PPP1R36: variants seen among roughly 807,000 people sequenced by gnomAD.
The protein encoded by PPP1R36 is chromosome 14 open reading frame 50.
PPP1R36 carries 47 observed loss-of-function variants against 53.4 expected under a neutral mutation model. The observed-to-expected ratio is 0.88, with a 90% CI of 0.70 to 1.12. The LOEUF is 1.12. PPP1R36 is among the 50% of genes most tolerant of loss of function. PPP1R36 has a pLI of 0.00. For missense variants in PPP1R36, 456 were observed against 513.9 expected (o/e 0.89, Z 1.09); for synonymous variants, 153 against 170.5 (o/e 0.90, Z 0.80).
chr14:64,589,091 C>T, intron 11 of PPP1R36, 61 bp from the exon 12 acceptor site: 1 of 1,280,170 alleles, frequency 7.8e-7, no homozygotes, highest in Non-Finnish European at 1.1e-6. Context: ...ATCACAGTCT[C>T]AACCCTGCAC....
At chr14:64,586,997 G>C in intron 9 of PPP1R36, 118 bp downstream of exon 9, 1 of 854,604 alleles carries the variant, frequency 1.2e-6, no homozygotes. Flanking sequence ...GTGCTAACAA[G>C]CTATATGCTA....
chr14:64,556,762 A>ATGTTTGTGTGTGTGTGTGTG (rs1555351247), intron 3 of PPP1R36, among the ~76,000 whole-genome samples: 1 of 133,970 alleles, frequency 7.5e-6, no homozygotes, highest in Non-Finnish European at 1.6e-5. Flanking sequence ...TCTCCAAAAA[A>ATGTTTGTGTGTGTGTGTGTG]TGTGTGTGTG....
intron 2 of PPP1R36, 138 bp downstream of exon 2, chr14:64,551,123 C>G: frequency 1.6e-6 from 1 of 614,782 alleles, no homozygotes; most frequent in South Asian, 2.1e-5. Context: ...TTTCAGTGAA[C>G]AGCCTTTCTC....
At chr14:64,578,385 G>T (rs1041586887) in intron 8 of PPP1R36, among the ~76,000 whole-genome samples, 8 of 152,172 alleles carry the variant, frequency 5.3e-5, no homozygotes, top group Admixed American at 3.9e-4. Context: ...AATGGATCTT[G>T]AAATCAATTT....
At chr14:64,550,648 C>T (rs1335812899) in intron 1 of PPP1R36, among the ~76,000 whole-genome samples, 2 of 152,140 alleles carry the variant, frequency 1.3e-5, no homozygotes, top group Non-Finnish European at 2.9e-5. Flanking sequence ...TCCTCCCTTC[C>T]TTTCTCCCTC....
At chr14:64,573,200 A>G (rs2080316381) in intron 7 of PPP1R36, among the ~76,000 whole-genome samples, 2 of 152,248 alleles carry the variant, frequency 1.3e-5, no homozygotes, top group African/African-American at 4.8e-5. Context: ...TGTATTGTAT[A>G]GCAGAAACTT....
intron 6 of PPP1R36, among the ~76,000 whole-genome samples, chr14:64,567,411 A>G (rs2080268103): frequency 6.6e-6 from 1 of 152,248 alleles, no homozygotes; most frequent in African/African-American, 2.4e-5. Flanking sequence ...AATATGAGGT[A>G]TAGAATATTC....
intron 1 of PPP1R36, 157 bp downstream of exon 1, chr14:64,550,223 G>GTA: frequency 1.7e-6 from 2 of 1,191,520 alleles, no homozygotes; most frequent in Non-Finnish European, 2.2e-6. Flanking sequence ...TATTTGCCTA[G>GTA]AAAAAAAAAA....
At chr14:64,562,989 C>T (rs183944173) in intron 3 of PPP1R36, among the ~76,000 whole-genome samples, 200 of 152,226 alleles carry the variant, frequency 1.3e-3, no homozygotes, top group Admixed American at 8.0e-3. Context: ...GCCTCAGCCT[C>T]CCAGGTAGCT....
intron 3 of PPP1R36, among the ~76,000 whole-genome samples, chr14:64,559,842 G>A (rs2080190580): frequency 6.6e-6 from 1 of 152,178 alleles, no homozygotes; most frequent in African/African-American, 2.4e-5. Context: ...GGTGGCTCAC[G>A]CCTGTAATCC....
At chr14:64,563,403 A>G (rs2080221913) in intron 3 of PPP1R36, among the ~76,000 whole-genome samples, 1 of 152,056 alleles carries the variant, frequency 6.6e-6, no homozygotes, top group Admixed American at 6.6e-5. Flanking sequence ...CAGCACCAGA[A>G]AGAATGAAAA....
At chr14:64,580,666 C>A (rs895364654) in intron 8 of PPP1R36, among the ~76,000 whole-genome samples, 1 of 152,114 alleles carries the variant, frequency 6.6e-6, no homozygotes, top group African/African-American at 2.4e-5. Flanking sequence ...TCACCACCCA[C>A]GTAACAAATT....
chr14:64,555,027 T>C (rs1286695712), intron 3 of PPP1R36, among the ~76,000 whole-genome samples: 1 of 152,224 alleles, frequency 6.6e-6, no homozygotes, highest in Admixed American at 6.5e-5. Context: ...AAAAAAATTA[T>C]GAAATATATT....
In PPP1R36 at chr14:64,550,943, T is replaced by A. The variant is rs142499430; in HGVS notation, c.92T>A (p.Met31Lys). ...LMDQLGLRLG[M>K]WYWKDETRTL... ...CAGCAGTTGGGATTACGATTAGGGA[T>A]GTGGTACTGGAAAGATGAAACCAGA... The change falls in exon 2 of 12, where the codon ATG becomes AAG. Residue 31 changes from methionine to lysine, a missense_variant. Physicochemically the swap from Met to Lys is moderately conservative, Grantham distance 95. Coordinates refer to ENST00000298705, the MANE Select transcript of PPP1R36 (RefSeq NM_172365.3). The A allele has an allele frequency of 1.7e-3, 2,686 of 1,610,256 alleles. 37 individuals carry two copies. The African/African-American group carries it at 0.031, about 19-fold the overall frequency.
chr14:64,554,682 C>T (rs1178423850), intron 3 of PPP1R36, among the ~76,000 whole-genome samples: 2 of 152,002 alleles, frequency 1.3e-5, no homozygotes, highest in African/African-American at 2.4e-5. Flanking sequence ...AGGTAGCAGG[C>T]GTGTTCAGTG....
chr14:64,586,711 A>C (rs887226433), intron 8 of PPP1R36, 126 bp from the exon 9 acceptor site: 20 of 626,100 alleles, frequency 3.2e-5, no homozygotes, highest in Non-Finnish European at 5.1e-5. Context: ...TTTTGATAGC[A>C]TTTGTGTAGC....
At chr14:64,550,192 G>T (rs985636927) in intron 1 of PPP1R36, 126 bp downstream of exon 1, 2 of 1,439,680 alleles carry the variant, frequency 1.4e-6, no homozygotes, top group Middle Eastern at 2.2e-4. Context: ...CGGGCTGGCG[G>T]TTCTCAAAGA....
Position 64,568,160 on chromosome 14 carries a change from C to G in PPP1R36, c.435-189C>G, listed in dbSNP as rs144139640. Among the ~76,000 whole-genome samples, 518 of 152,196 alleles carry G rather than the reference C, an allele frequency of 3.4e-3. 1 individual carries two copies. The highest frequency in any genetic ancestry group is 0.012 in the African/African-American group (497 of 41,558). On this transcript the variant is annotated intron_variant, in intron 6 of 11. Coordinates refer to ENST00000298705, the MANE Select transcript of PPP1R36 (RefSeq NM_172365.3). ...TCTCCAAAAGTTTTACTTACAAAAA[C>G]CAGATTTCTTAAATTTTTAAATATA...
intron 8 of PPP1R36, among the ~76,000 whole-genome samples, chr14:64,579,767 G>A (rs1387481690): frequency 6.7e-6 from 1 of 150,280 alleles, no homozygotes; most frequent in East Asian, 2.0e-4. Flanking sequence ...TCAGGAGATC[G>A]AGACCATCCT....
Sources: gnomAD v4.1 joint callset for allele counts (sites outside exome capture counted in the v4.1 genomes callset) on GRCh38, gnomAD v4.1.1 for gene constraint, MANE v1.5 for transcripts, NCBI Gene and HGNC (gene_info 2026-07-23, HGNC 2026-07-21) for gene names.